The following ASTN1 variants were observed in gnomAD, a reference collection of about 807,000 sequenced individuals.
ASTN1 encodes the protein astrotactin 1, also known as astrotactin-1.
Under a neutral mutation model 140.7 loss-of-function variants are expected in ASTN1, and 41 were observed. The observed-to-expected ratio is 0.29, with a 90% CI of 0.23 to 0.38. The LOEUF is 0.38. ASTN1 is among the 10% of genes least tolerant of loss of function. The probability of loss-of-function intolerance (pLI) is 1.00; values close to 1 mark genes in which losing one functional copy is unlikely to be tolerated. For missense variants in ASTN1, 1,479 were observed against 1,678.8 expected (o/e 0.88, Z 2.08); for synonymous variants, 640 against 652.2 (o/e 0.98, Z 0.29).
chr1:177,038,742 G>A (rs535586846), intron 2 of ASTN1, among the ~76,000 whole-genome samples: 2 of 151,910 alleles, frequency 1.3e-5, no homozygotes, highest in Non-Finnish European at 2.9e-5. Flanking sequence ...AAGATAATGC[G>A]GTGAATAACA....
At chr1:176,943,801 C>CCAAAAA in intron 14 of ASTN1, 90 bp downstream of exon 14, 1 of 1,436,542 alleles carries the variant, frequency 7.0e-7, no homozygotes, top group South Asian at 1.6e-5. Flanking sequence ...GCTTAGAAAC[C>CCAAAAA]AAAATAAGTG....
At chr1:177,028,679 C>A (rs192149242) in intron 5 of ASTN1, among the ~76,000 whole-genome samples, 7 of 152,290 alleles carry the variant, frequency 4.6e-5, no homozygotes, top group Admixed American at 4.6e-4. Context: ...TAAGATGGGG[C>A]ACTGTATAAA....
chr1:177,008,515 G>A (rs1675113598), intron 8 of ASTN1, among the ~76,000 whole-genome samples: 1 of 150,044 alleles, frequency 6.7e-6, no homozygotes, highest in Non-Finnish European at 1.5e-5. Context: ...GAGAGAGCGG[G>A]AGATAGGAAG....
intron 1 of ASTN1, among the ~76,000 whole-genome samples, chr1:177,113,405 G>T (rs1282930171): frequency 4.6e-5 from 7 of 152,154 alleles, no homozygotes; most frequent in African/African-American, 7.2e-5. Context: ...TGTATTTTTG[G>T]ATTAGGGATG....
intron 8 of ASTN1, among the ~76,000 whole-genome samples, chr1:176,970,174 C>A (rs1408219554): frequency 6.6e-6 from 1 of 152,218 alleles, no homozygotes. Flanking sequence ...TAGGACATAT[C>A]CACTTTTGCA....
At chr1:176,998,825 G>A (rs1013612458) in intron 8 of ASTN1, among the ~76,000 whole-genome samples, 5 of 152,278 alleles carry the variant, frequency 3.3e-5, no homozygotes, top group East Asian at 3.9e-4. Context: ...GCACCGTGAC[G>A]GTTTTAGTGC....
chr1:176,905,263 C>G (rs555846681), intron 16 of ASTN1, among the ~76,000 whole-genome samples: 63 of 152,280 alleles, frequency 4.1e-4, no homozygotes, highest in South Asian at 1.0e-3. Context: ...TGTGAGGGTG[C>G]CTGATATGAG....
chr1:177,040,056 A>G (rs895738644), intron 2 of ASTN1, among the ~76,000 whole-genome samples: 7 of 152,224 alleles, frequency 4.6e-5, no homozygotes, highest in Non-Finnish European at 7.3e-5. Context: ...GAGTTGCCCA[A>G]ACTGGAAGAG....
At chr1:176,904,475 T>G (rs1669901688) in intron 16 of ASTN1, among the ~76,000 whole-genome samples, 2 of 149,222 alleles carry the variant, frequency 1.3e-5, no homozygotes, top group African/African-American at 2.5e-5. Context: ...GGAGAGGGAG[T>G]GCGGGGAGAG....
At chr1:176,935,935 A>C (rs1671424237) in intron 15 of ASTN1, 2 of 377,864 alleles carry the variant, frequency 5.3e-6, no homozygotes, top group Admixed American at 3.8e-5. Flanking sequence ...TGGAATGCTT[A>C]ATTCTCTCAA....
chr1:177,098,246 T>C (rs1273786686), intron 1 of ASTN1, among the ~76,000 whole-genome samples: 1 of 152,074 alleles, frequency 6.6e-6, no homozygotes, highest in African/African-American at 2.4e-5. Context: ...CAGAACTGAA[T>C]TGAATCACTG....
intron 22 of ASTN1, among the ~76,000 whole-genome samples, chr1:176,864,849 A>T (rs1225738008): frequency 2.0e-5 from 3 of 152,202 alleles, no homozygotes; most frequent in Non-Finnish European, 1.5e-5. Context: ...AATCAAATCA[A>T]GTTTCTTTAA....
intron 9 of ASTN1, among the ~76,000 whole-genome samples, chr1:176,962,246 T>A (rs1672696061): frequency 2.0e-5 from 3 of 152,182 alleles, no homozygotes; most frequent in African/African-American, 4.8e-5. Flanking sequence ...TCTTGGACAC[T>A]GGAATGGGTT....
rs1669430684 is a variant in ASTN1, at chr1:176,894,737, G to C, written c.2765C>G (p.Thr922Ser). 6.2e-7 allele frequency: 1 copy of C among 1,614,168 alleles called. No individual in the cohort carries two copies. Among genetic ancestry groups the C allele is most frequent in the Non-Finnish European group, 8.5e-7 (1 of 1,180,022 alleles). ...GCGGACTCCAGCCGCCATGTGCTTG[G>C]TGCCGGAGTCTGACAAGCTGGTGAT... ...EYITSLSDSG[T>S]KHMAAGVRME... The change falls in exon 17 of 23, where the codon ACC becomes AGC. Residue 922 changes from threonine to serine, a missense_variant. Physicochemically the swap from Thr to Ser is moderately conservative, Grantham distance 58 (BLOSUM62 1). Transcript: ENST00000361833.
rs182751476 is a variant in ASTN1, at chr1:177,139,782, C to A, written c.283+24612G>T. ...ATCTTTCTTGCTTTTCTTCCAGGGG[C>A]CCCACAGAGAAAACATTCCCAACCG... On this transcript the variant is annotated intron_variant, in intron 1 of 22. Transcript: ENST00000361833. Among the ~76,000 whole-genome samples, 1,122 of 152,172 alleles carry A rather than the reference C, an allele frequency of 7.4e-3. 13 individuals carry two copies. The highest frequency in any genetic ancestry group is 0.024 in the African/African-American group (992 of 41,524).
intron 2 of ASTN1, among the ~76,000 whole-genome samples, chr1:177,059,004 C>G (rs908576598): frequency 1.7e-4 from 26 of 152,310 alleles, no homozygotes; most frequent in African/African-American, 6.3e-4. Context: ...CCTCCCTAGA[C>G]TCCCCTTCTG....
intron 21 of ASTN1, among the ~76,000 whole-genome samples, chr1:176,870,033 A>G (rs1214692385): frequency 6.6e-6 from 1 of 152,230 alleles, no homozygotes; most frequent in Non-Finnish European, 1.5e-5. Context: ...CCTCAAAGGC[A>G]TAAATTACTA....
intron 19 of ASTN1, 43 bp downstream of exon 19, chr1:176,884,296 T>A (rs768487237): frequency 1.1e-5 from 17 of 1,581,166 alleles, no homozygotes; most frequent in Non-Finnish European, 8.7e-6. Flanking sequence ...TTTAGTTTTA[T>A]CACCTTGGAT....
intron 1 of ASTN1, among the ~76,000 whole-genome samples, chr1:177,119,468 C>A (rs1045345420): frequency 2.0e-5 from 3 of 151,938 alleles, no homozygotes; most frequent in Non-Finnish European, 4.4e-5. Context: ...CACAGCCCTG[C>A]AGGCTGCAAG....
Sources: gnomAD v4.1 joint callset for allele counts (sites outside exome capture counted in the v4.1 genomes callset) on GRCh38, gnomAD v4.1.1 for gene constraint, MANE v1.5 for transcripts, NCBI Gene and HGNC (gene_info 2026-07-23, HGNC 2026-07-21) for gene names.